Variants in ITPR2 observed in about 807,000 individuals in gnomAD.
ITPR2 encodes inositol 1,4,5-trisphosphate-gated calcium channel ITPR2.
ITPR2 carries 207 observed loss-of-function variants against 317.1 expected under a neutral mutation model. The ratio of observed to expected loss-of-function variants is 0.65; its 90% confidence interval spans 0.58 to 0.73. ITPR2 has a LOEUF of 0.73. Ranked by LOEUF, ITPR2 falls within the 30% of genes least tolerant of loss-of-function variation. The pLI, the probability that ITPR2 is intolerant of heterozygous loss-of-function variation, is 0.00. For missense variants in ITPR2, 2,613 were observed against 3,284.0 expected, an observed-to-expected ratio of 0.80 and a Z score of 4.99; for synonymous variants, 1,156 against 1,149.1, an observed-to-expected ratio of 1.01 and a Z score of -0.12.
chr12:26,667,886 T>G (rs1947663370), intron 13 of ITPR2, among the ~76,000 whole-genome samples: 1 of 143,608 alleles, frequency 7.0e-6, no homozygotes, highest in Admixed American at 7.3e-5. Flanking sequence ...AATGGAATGA[T>G]GACGACGAAC....
At chr12:26,356,527 C>T (rs996023903) in intron 55 of ITPR2, among the ~76,000 whole-genome samples, 1 of 152,114 alleles carries the variant, frequency 6.6e-6, no homozygotes, top group Non-Finnish European at 1.5e-5. Context: ...ACAAAAGGCA[C>T]AAGGTGTTGG....
Position 26,389,795 on chromosome 12 carries a change from A to G in ITPR2, c.7697-2201T>C, listed in dbSNP as rs559274284. On this transcript the variant is annotated intron_variant, in intron 54 of 56. Transcript: ENST00000381340. ...TAAATTAAATTGGATTATATCTCTAAGATAAAGAGGTAAAATGATTGTGTA... is the reference window on the plus strand; with the variant it reads ...TAAATTAAATTGGATTATATCTCTAGGATAAAGAGGTAAAATGATTGTGTA... Among the ~76,000 whole-genome samples, 190 of 152,306 alleles carry G rather than the reference A, an allele frequency of 1.2e-3. 1 individual carries two copies. Among genetic ancestry groups the G allele is most frequent in the Non-Finnish European group, 2.4e-3 (165 of 68,026 alleles).
At chr12:26,435,751 A>T (rs1458803202) in intron 48 of ITPR2, among the ~76,000 whole-genome samples, 2 of 152,150 alleles carry the variant, frequency 1.3e-5, no homozygotes, top group Non-Finnish European at 1.5e-5. Context: ...TAAACATTTA[A>T]TTATCTTAAG....
rs549370178 is a variant in ITPR2, at chr12:26,435,766, C to T, written c.6769+455G>A. On this transcript the variant is annotated intron_variant, in intron 48 of 56. Coordinates refer to ENST00000381340, the MANE Select transcript of ITPR2 (RefSeq NM_002223.4). Reference sequence around the variant, plus strand: ...TAAACATTTAATTATCTTAAGAATCCCTGACTTTAGTATAGAATTAAAAAT... The same window carrying T: ...TAAACATTTAATTATCTTAAGAATCTCTGACTTTAGTATAGAATTAAAAAT... 5.3e-5 allele frequency among the ~76,000 whole-genome samples: 8 copies of T among 152,030 alleles called. No individual in the cohort carries two copies. In the South Asian group the frequency reaches 1.2e-3, roughly 24 times the overall value.
At chr12:26,385,916 T>G (rs2136626118) in intron 55 of ITPR2, among the ~76,000 whole-genome samples, 1 of 152,206 alleles carries the variant, frequency 6.6e-6, no homozygotes, top group East Asian at 1.9e-4. Context: ...TACTTTGGGT[T>G]TGTTATTCCC....
intron 45 of ITPR2, among the ~76,000 whole-genome samples, chr12:26,462,371 C>T (rs962223181): frequency 1.6e-4 from 24 of 152,028 alleles, no homozygotes; most frequent in African/African-American, 7.2e-5. Context: ...AAAGTGATTG[C>T]GGTTTTTGCC....
chr12:26,589,794 A>AT (rs1187369023), intron 32 of ITPR2, among the ~76,000 whole-genome samples: 1 of 52,062 alleles, frequency 1.9e-5, no homozygotes, highest in East Asian at 2.2e-4. Flanking sequence ...TTCAAAAAAA[A>AT]AAATAAATAA....
At chr12:26,751,727 G>C (rs1013922680) in intron 2 of ITPR2, among the ~76,000 whole-genome samples, 1 of 152,018 alleles carries the variant, frequency 6.6e-6, no homozygotes, top group African/African-American at 2.4e-5. Context: ...TTAGCCAGGC[G>C]TGGTGGTGGG....
At chr12:26,489,635 T>C (rs1942752706) in intron 39 of ITPR2, among the ~76,000 whole-genome samples, 1 of 152,240 alleles carries the variant, frequency 6.6e-6, no homozygotes, top group African/African-American at 2.4e-5. Flanking sequence ...ATTTAGTAGG[T>C]ATAATTTTCC....
At chr12:26,370,936 G>C (rs1021083491) in intron 55 of ITPR2, among the ~76,000 whole-genome samples, 1 of 152,158 alleles carries the variant, frequency 6.6e-6, no homozygotes, top group Non-Finnish European at 1.5e-5. Context: ...GCCTCCCAAA[G>C]TGCTGGGATT....
At chr12:26,605,126 A>AAATATATATATATATATATAT (rs1555165395) in intron 26 of ITPR2, among the ~76,000 whole-genome samples, 3 of 136,304 alleles carry the variant, frequency 2.2e-5, no homozygotes, top group Admixed American at 7.3e-5. Flanking sequence ...AAAAAATAAA[A>AAATATATATATATATATATAT]ATATATATAT....
rs558072335 is a variant in ITPR2 at position 26,769,300 on chromosome 12, T to C, written c.163+20857A>G. 3.9e-5 allele frequency among the ~76,000 whole-genome samples: 6 copies of C among 152,280 alleles called. No homozygotes were observed. The East Asian group carries it at 9.6e-4, about 24-fold the overall frequency. ...CTTCCAAGCATTTGTAAAACAAACA[T>C]TGCCACCCACCAGCAATGTTTGCTT... On this transcript the variant is annotated intron_variant, in intron 2 of 56. Coordinates refer to ENST00000381340, the MANE Select transcript of ITPR2 (RefSeq NM_002223.4).
chr12:26,422,633 T>C (rs1254421427), intron 49 of ITPR2, among the ~76,000 whole-genome samples: 1 of 152,176 alleles, frequency 6.6e-6, no homozygotes, highest in Admixed American at 6.5e-5. Flanking sequence ...CTTTAAATGT[T>C]ACAATTTTAT....
chr12:26,647,319 T>C (rs774093629), intron 21 of ITPR2, among the ~76,000 whole-genome samples: 5 of 152,258 alleles, frequency 3.3e-5, no homozygotes, highest in Non-Finnish European at 7.3e-5. Flanking sequence ...GTTATACACA[T>C]ATCATGCTGT....
At chr12:26,701,502 G>A (rs11048663) in intron 9 of ITPR2, among the ~76,000 whole-genome samples, 3,279 of 152,284 alleles carry the variant, frequency 0.022, 124 homozygotes, top group African/African-American at 0.074. Flanking sequence ...TTTACTGGGT[G>A]TATATGTGTG....
chr12:26,597,295 T>A (rs1945871236), intron 30 of ITPR2, among the ~76,000 whole-genome samples, 161 bp from the exon 31 acceptor site: 1 of 152,182 alleles, frequency 6.6e-6, no homozygotes, highest in Admixed American at 6.5e-5. Context: ...GACAAGATTA[T>A]GGTCCCATGC....
intron 26 of ITPR2, among the ~76,000 whole-genome samples, chr12:26,614,206 A>G (rs934189589): frequency 6.6e-6 from 1 of 152,122 alleles, no homozygotes; most frequent in Non-Finnish European, 1.5e-5. Context: ...TCTAAGGGAA[A>G]AATGTAACCT....
intron 10 of ITPR2, among the ~76,000 whole-genome samples, chr12:26,692,372 C>T (rs937819560): frequency 5.3e-5 from 8 of 152,306 alleles, no homozygotes; most frequent in African/African-American, 1.7e-4. Flanking sequence ...AAAGCCATTG[C>T]ACCACAACAG....
chr12:26,384,977 T>C (rs1382952611), intron 55 of ITPR2, among the ~76,000 whole-genome samples: 6 of 152,226 alleles, frequency 3.9e-5, no homozygotes, highest in Non-Finnish European at 5.9e-5. Context: ...GGTCATTCTA[T>C]GTGAACTGTC....
Sources: gnomAD v4.1 joint callset for allele counts (sites outside exome capture counted in the v4.1 genomes callset) on GRCh38, gnomAD v4.1.1 for gene constraint, MANE v1.5 for transcripts, NCBI Gene and HGNC (gene_info 2026-07-23, HGNC 2026-07-21) for gene names.